The following SYNPR variants were observed in gnomAD, a reference collection of about 807,000 sequenced individuals.
SYNPR encodes synaptoporin.
SYNPR carries 23 observed loss-of-function variants against 32.9 expected under a neutral mutation model. That is an observed-to-expected ratio of 0.70 (90% confidence interval 0.50 to 0.99). The LOEUF is 0.99. Among genes scored for constraint, SYNPR ranks in the 50% least tolerant of loss-of-function variants. SYNPR has a pLI of 0.00. For missense variants in SYNPR, 318 were observed against 349.3 expected, an observed-to-expected ratio of 0.91 and a Z score of 0.71; for synonymous variants, 146 against 135.9, an observed-to-expected ratio of 1.07 and a Z score of -0.52.
At chr3:63,451,646 AC>A (rs1559503150) in intron 2 of SYNPR, among the ~76,000 whole-genome samples, 1 of 152,038 alleles carries the variant, frequency 6.6e-6, no homozygotes, top group Non-Finnish European at 1.5e-5. Context: ...AGTTTCTAAC[AC>A]TGTGACTTCA....
chr3:63,202,678 T>C, the SYNPR span, among the ~76,000 whole-genome samples: 43 of 152,198 alleles, frequency 2.8e-4, no homozygotes, highest in African/African-American at 1.0e-3. Flanking sequence ...TATGTTTGGT[T>C]TGGGTTTGGC....
chr3:63,575,434 T>C (rs959928118), intron 4 of SYNPR, among the ~76,000 whole-genome samples: 1 of 152,114 alleles, frequency 6.6e-6, no homozygotes, highest in African/African-American at 2.4e-5. Flanking sequence ...CCCACATCCA[T>C]TAGCCCCCCT....
chr3:63,475,131 G>A (rs1700876681), intron 2 of SYNPR, among the ~76,000 whole-genome samples: 1 of 152,124 alleles, frequency 6.6e-6, no homozygotes. Context: ...TATTAAGCTA[G>A]AAAACACAGG....
chr3:63,382,686 G>A (rs904721478), intron 2 of SYNPR, among the ~76,000 whole-genome samples: 1 of 152,102 alleles, frequency 6.6e-6, no homozygotes. Flanking sequence ...TGGCCAATCT[G>A]CCTTTTTCTC....
chr3:63,306,623 G>A (rs1180871342), intron 2 of SYNPR, among the ~76,000 whole-genome samples: 1 of 151,816 alleles, frequency 6.6e-6, no homozygotes, highest in Non-Finnish European at 1.5e-5. Flanking sequence ...ATCAAAGTTA[G>A]CAGAGAACTC....
intron 5 of SYNPR, among the ~76,000 whole-genome samples, chr3:63,612,881 C>T (rs368733522): frequency 2.7e-5 from 4 of 148,924 alleles, no homozygotes; most frequent in African/African-American, 4.9e-5. Flanking sequence ...TCCCCTCCCC[C>T]ACCCTCCCCT....
At chr3:63,458,906 T>C (rs1480184404) in intron 2 of SYNPR, among the ~76,000 whole-genome samples, 1 of 152,034 alleles carries the variant, frequency 6.6e-6, no homozygotes, top group African/African-American at 2.4e-5. Flanking sequence ...TAACTGAAAG[T>C]CCTGTATTCA....
intron 2 of SYNPR, among the ~76,000 whole-genome samples, chr3:63,326,390 G>A (rs569599098): frequency 1.3e-5 from 2 of 152,076 alleles, no homozygotes; most frequent in Non-Finnish European, 2.9e-5. Flanking sequence ...GGGATTGTGT[G>A]TGAATCAAAA....
chr3:63,450,523 T>A (rs1700359559), intron 2 of SYNPR, among the ~76,000 whole-genome samples: 1 of 152,184 alleles, frequency 6.6e-6, no homozygotes, highest in Non-Finnish European at 1.5e-5. Context: ...AAGGCTGGCA[T>A]ATGGATCTGG....
At chr3:63,520,613 C>T (rs1701889858) in intron 3 of SYNPR, among the ~76,000 whole-genome samples, 1 of 150,856 alleles carries the variant, frequency 6.6e-6, no homozygotes, top group African/African-American at 2.4e-5. Flanking sequence ...GCGGAGGTTG[C>T]AGTGAGCTGA....
chr3:63,582,137 T>C (rs367667197), intron 4 of SYNPR, among the ~76,000 whole-genome samples: 1 of 152,218 alleles, frequency 6.6e-6, no homozygotes, highest in East Asian at 1.9e-4. Context: ...GAAAACACTT[T>C]CTATTTGGCT....
chr3:63,615,643 A>G lies in SYNPR; in HGVS notation c.*162A>G. The G allele has an allele frequency of 2.1e-6, 2 of 960,110 alleles. No homozygotes were observed. The highest frequency in any genetic ancestry group is 3.0e-6 in the Non-Finnish European group (2 of 667,460). 59.5% of individuals were successfully genotyped at this position (960,110 alleles called of 1,614,324 possible). On this transcript the variant is annotated 3_prime_UTR_variant, in exon 6 of 6. Transcript: ENST00000478300. ...GGCAGCAAGTCCTGGGTTGTGAAAA[A>G]TGATACTTAGAGATGAGGCGACATG...
At chr3:63,582,309 G>C (rs1484943554) in intron 4 of SYNPR, among the ~76,000 whole-genome samples, 2 of 152,084 alleles carry the variant, frequency 1.3e-5, no homozygotes, top group Admixed American at 6.6e-5. Flanking sequence ...AATATCTTAT[G>C]AAGAACCTTC....
intron 4 of SYNPR, among the ~76,000 whole-genome samples, chr3:63,595,990 G>C (rs1423730138): frequency 1.0e-5 from 1 of 97,706 alleles, no homozygotes; most frequent in Non-Finnish European, 2.3e-5. Flanking sequence ...TATATATATA[G>C]TTTTATATAT....
At chr3:63,379,861 C>A (rs372382708) in intron 2 of SYNPR, among the ~76,000 whole-genome samples, 1 of 151,944 alleles carries the variant, frequency 6.6e-6, no homozygotes, top group Non-Finnish European at 1.5e-5. Context: ...CAAAAGGCCC[C>A]GGTGTGTGAT....
At chr3:63,332,519 C>T (rs2087241282) in intron 2 of SYNPR, among the ~76,000 whole-genome samples, 1 of 151,936 alleles carries the variant, frequency 6.6e-6, no homozygotes, top group Non-Finnish European at 1.5e-5. Context: ...ACTACTTACT[C>T]AGTATATTTA....
chr3:63,496,860 CT>C (rs1346586552), intron 3 of SYNPR, among the ~76,000 whole-genome samples: 1 of 152,080 alleles, frequency 6.6e-6, no homozygotes, highest in African/African-American at 2.4e-5. Flanking sequence ...GATTTACTAA[CT>C]GATGCAACTC....
intron 3 of SYNPR, among the ~76,000 whole-genome samples, chr3:63,538,401 G>T (rs1702244416): frequency 6.6e-6 from 1 of 151,992 alleles, no homozygotes; most frequent in Non-Finnish European, 1.5e-5. Context: ...CACAGCAGTT[G>T]ATGATAATTA....
At chr3:63,257,215 G>A (rs187140834) in intron 2 of SYNPR, among the ~76,000 whole-genome samples, 2 of 152,174 alleles carry the variant, frequency 1.3e-5, no homozygotes, top group East Asian at 3.9e-4. Context: ...GAAATATAGA[G>A]AATGCCACAA....
Sources: gnomAD v4.1 joint callset for allele counts (sites outside exome capture counted in the v4.1 genomes callset) on GRCh38, gnomAD v4.1.1 for gene constraint, MANE v1.5 for transcripts, NCBI Gene and HGNC (gene_info 2026-07-23, HGNC 2026-07-21) for gene names.